Variants in TENM2 observed in about 807,000 individuals in gnomAD.
TENM2 encodes the protein teneurin transmembrane protein 2.
In TENM2, 52 loss-of-function variants were observed where a neutral mutation model predicts 245.2. The ratio of observed to expected loss-of-function variants is 0.21; its 90% confidence interval spans 0.17 to 0.27. TENM2 has a LOEUF of 0.27. Among genes scored for constraint, TENM2 ranks in the 10% least tolerant of loss-of-function variants. The pLI is 1.00. For synonymous variants in TENM2, 1,363 were observed against 1,438.9 expected (o/e 0.95, Z 1.19); for missense variants, 3,046 against 3,666.8 (o/e 0.83, Z 4.37).
At chr5:167,852,972 C>A (rs776836338) in intron 2 of TENM2, among the ~76,000 whole-genome samples, 2 of 151,946 alleles carry the variant, frequency 1.3e-5, no homozygotes, top group Admixed American at 6.6e-5. Context: ...CAGTGGGACA[C>A]AATTTTTTGT....
At chr5:166,979,188 C>CAGCAGCAG in the TENM2 span, among the ~76,000 whole-genome samples, 13 of 97,550 alleles carry the variant, frequency 1.3e-4, no homozygotes, top group African/African-American at 4.2e-4. Context: ...AGCAGCAGCA[C>CAGCAGCAG]CACCACCAGC....
intron 2 of TENM2, among the ~76,000 whole-genome samples, chr5:167,647,274 C>T (rs1780026714): frequency 6.6e-6 from 1 of 152,082 alleles, no homozygotes; most frequent in African/African-American, 2.4e-5. Context: ...AAGAAAATAG[C>T]CATTGACAGA....
At chr5:167,511,104 G>A (rs1769926433) in intron 2 of TENM2, among the ~76,000 whole-genome samples, 1 of 152,022 alleles carries the variant, frequency 6.6e-6, no homozygotes, top group Non-Finnish European at 1.5e-5. Context: ...TATACATAAA[G>A]CACTGCAATA....
At chr5:167,891,174 G>A (rs1031015789) in intron 3 of TENM2, among the ~76,000 whole-genome samples, 1 of 152,166 alleles carries the variant, frequency 6.6e-6, no homozygotes, top group East Asian at 1.9e-4. Context: ...AGATAGATAG[G>A]TACCTCTAAC....
the TENM2 span, among the ~76,000 whole-genome samples, chr5:167,016,281 CAA>C: frequency 5.6e-3 from 439 of 78,844 alleles, 6 homozygotes; most frequent in South Asian, 0.047. Flanking sequence ...AACAAACAAA[CAA>C]AAAAAAAAAA....
At chr5:167,877,207 A>C (rs1482992170) in intron 3 of TENM2, among the ~76,000 whole-genome samples, 1 of 152,122 alleles carries the variant, frequency 6.6e-6, no homozygotes, top group Non-Finnish European at 1.5e-5. Context: ...TCTTGATGCG[A>C]TTGTGTTTAG....
chr5:168,204,817 T>A (rs1307691616), intron 19 of TENM2, among the ~76,000 whole-genome samples, 196 bp downstream of exon 21: 4 of 152,238 alleles, frequency 2.6e-5, no homozygotes, highest in Admixed American at 6.5e-5. Context: ...ACAGATTTGA[T>A]ACAATAGTCA....
intron 3 of TENM2, among the ~76,000 whole-genome samples, chr5:167,939,464 C>T (rs1462135916): frequency 2.0e-5 from 3 of 152,038 alleles, no homozygotes; most frequent in Admixed American, 1.3e-4. Context: ...TGCTTTACAA[C>T]AAAAAAATCT....
In TENM2 at chr5:168,062,091, C is replaced by T. The variant is rs372821799; in HGVS notation, c.1341C>T (p.Asp447=). ...GGTCGTTGAAAAACAGCAGCATAGA[C>T]AGTGGTGAAGCAGAAGTTGGTCGGC... is the stretch of plus-strand genomic sequence containing the variant. Residue 447 remains aspartate (D), a synonymous_variant, in exon 7 of 29, where the codon GAC becomes GAT. Coordinates refer to ENST00000518659, the Ensembl canonical transcript of TENM2. 8.8e-5 allele frequency: 141 copies of T among 1,610,846 alleles called. No homozygotes were observed. In the African/African-American group the frequency reaches 1.8e-3, roughly 21 times the overall value.
At chr5:167,717,905 T>C (rs762762943) in intron 2 of TENM2, among the ~76,000 whole-genome samples, 8 of 152,222 alleles carry the variant, frequency 5.3e-5, no homozygotes, top group Non-Finnish European at 1.0e-4. Context: ...GTACTTCCTG[T>C]TGGAATTCGA....
chr5:167,687,752 T>G (rs555617652), intron 2 of TENM2, among the ~76,000 whole-genome samples: 1 of 152,352 alleles, frequency 6.6e-6, no homozygotes, highest in African/African-American at 2.4e-5. Flanking sequence ...GAATTGTTCT[T>G]TCTTCCTCTC....
chr5:167,302,523 T>C (rs1755398483), intron 1 of TENM2, among the ~76,000 whole-genome samples: 1 of 146,896 alleles, frequency 6.8e-6, no homozygotes, highest in Non-Finnish European at 1.5e-5. Context: ...GGTCGGGGCA[T>C]GGAAATAAGG....
chr5:167,360,106 A>G (rs1407586950), intron 1 of TENM2, among the ~76,000 whole-genome samples: 1 of 152,190 alleles, frequency 6.6e-6, no homozygotes, highest in Non-Finnish European at 1.5e-5. Context: ...AATCTGTACA[A>G]CAAACCCCGG....
At chr5:167,549,178 A>G (rs1772769163) in intron 2 of TENM2, among the ~76,000 whole-genome samples, 2 of 152,140 alleles carry the variant, frequency 1.3e-5, no homozygotes, top group African/African-American at 4.8e-5. Flanking sequence ...ATTTCAACAT[A>G]TCTTTGGTGT....
intron 3 of TENM2, among the ~76,000 whole-genome samples, chr5:167,920,408 C>T (rs181700951): frequency 2.0e-5 from 3 of 150,238 alleles, no homozygotes; most frequent in Admixed American, 6.6e-5. Flanking sequence ...ATCCCAGCTA[C>T]TCAGGAGACT....
intron 26 of TENM2, 71 bp from the exon 29 acceptor site, chr5:168,246,686 A>C: frequency 6.9e-7 from 1 of 1,456,200 alleles, no homozygotes; most frequent in Non-Finnish European, 9.4e-7. Flanking sequence ...AAATGGACTA[A>C]ATTCTGTCTG....
intron 12 of TENM2, among the ~76,000 whole-genome samples, chr5:168,133,050 A>G (rs1754728689): frequency 6.6e-6 from 1 of 152,216 alleles, no homozygotes; most frequent in South Asian, 2.1e-4. Context: ...TATATCCTGG[A>G]GCAAGTCACC....
At chr5:167,496,675 G>A (rs73365552) in intron 2 of TENM2, among the ~76,000 whole-genome samples, 5,084 of 152,032 alleles carry the variant, frequency 0.033, 297 homozygotes, top group African/African-American at 0.12. Flanking sequence ...TTAATTGCTC[G>A]GTCTGCACTG....
chr5:167,777,465 CA>C (rs1763890472), intron 2 of TENM2, among the ~76,000 whole-genome samples: 1 of 152,144 alleles, frequency 6.6e-6, no homozygotes, highest in African/African-American at 2.4e-5. Flanking sequence ...CTATTTGATC[CA>C]ATCAGTGTTT....
Sources: allele counts gnomAD v4.1 joint callset (sites outside exome capture counted in the v4.1 genomes callset), GRCh38; gene constraint gnomAD v4.1.1; transcripts MANE v1.5; gene names NCBI Gene and HGNC (gene_info 2026-07-23, HGNC 2026-07-21).